PLBD1: variants seen among roughly 807,000 people sequenced by gnomAD.
PLBD1 encodes phospholipase B domain containing 1.
PLBD1 carries 60 observed loss-of-function variants against 63.0 expected under a neutral mutation model. That is an observed-to-expected ratio of 0.95 (90% CI 0.77 to 1.18). The LOEUF (loss-of-function observed/expected upper bound fraction) is 1.18. PLBD1 is among the 50% of genes most tolerant of loss of function. PLBD1 has a pLI of 0.00. For synonymous variants in PLBD1, 262 were observed against 248.0 expected (o/e 1.06, Z -0.53); for missense variants, 598 against 677.9 (o/e 0.88, Z 1.31).
At chr12:14,564,721 T>G (rs1244244706) in intron 1 of PLBD1, among the ~76,000 whole-genome samples, 1 of 152,230 alleles carries the variant, frequency 6.6e-6, no homozygotes, top group Non-Finnish European at 1.5e-5. Context: ...AGACTGAATT[T>G]CTGGAGTCTA....
chr12:14,566,542 T>G (rs571899482), intron 1 of PLBD1, among the ~76,000 whole-genome samples: 1 of 152,300 alleles, frequency 6.6e-6, no homozygotes, highest in South Asian at 2.1e-4. Flanking sequence ...CTTCACCTCC[T>G]TAGGAACGGA....
intron 6 of PLBD1, among the ~76,000 whole-genome samples, chr12:14,528,674 G>T (rs1714495514): frequency 6.6e-6 from 1 of 151,226 alleles, no homozygotes; most frequent in Non-Finnish European, 1.5e-5. Context: ...TAAGAAGCTA[G>T]AAAAAATTAC....
intron 6 of PLBD1, among the ~76,000 whole-genome samples, chr12:14,514,742 A>AT (rs3083807): frequency 0.027 from 3,920 of 147,210 alleles, 154 homozygotes; most frequent in African/African-American, 0.087. Context: ...ATCTTTTTAA[A>AT]TTTTTTTTTT....
At position 14,567,620 on chromosome 12, in the gene PLBD1, GGCAGCA is replaced by G. The variant is rs71669631; in HGVS notation, c.71_76del (p.Leu24_Leu25del). On this transcript the variant is annotated inframe_deletion, in exon 1 of 11. Transcript: ENST00000240617. Reference sequence around the variant, plus strand: ...CGGCTCCGCGGTGACTAACAACAGCGGCAGCAGCAGCAGCAGCAGCAGAAGCGGTGG... The same window carrying G: ...CGGCTCCGCGGTGACTAACAACAGCGGCAGCAGCAGCAGCAGAAGCGGTGG... The G allele has an allele frequency of 1.7e-4, 253 of 1,460,136 alleles. No individual in the cohort carries two copies. The highest frequency in any genetic ancestry group is 9.6e-4 in the Admixed American group (42 of 43,762). The allele number at this position is 1,460,136 out of a possible 1,614,324, so 90.4% of individuals were successfully genotyped here.
Position 14,542,228 on chromosome 12 carries a change from A to T in PLBD1, c.399T>A (p.Asp133Glu). 6.2e-7 allele frequency: 1 copy of T among 1,608,390 alleles called. No homozygotes were observed. Among genetic ancestry groups the T allele is most frequent in the Non-Finnish European group, 8.5e-7 (1 of 1,174,808 alleles). The change falls in exon 3 of 11, where the codon GAT becomes GAA. Residue 133 changes from aspartate (D) to glutamate (E), a missense_variant. By Grantham distance (45) the Asp-to-Glu change is conservative (BLOSUM62 2). Transcript: ENST00000240617. ...CGTACTCCATAAAATCCTGCACTTT[A>T]TCCATGATGGAAGGTTTCGTGATCA... The part of the protein sequence containing the change: ...PQLITKPSIM[D>E]KVQDFMEKQD...
Position 14,525,725 on chromosome 12 carries a change from A to ACGCACACACACTT in PLBD1, c.844+9933_844+9934insAAGTGTGTGTGCG, listed in dbSNP as rs57220320. Reference sequence around the variant, plus strand: ...CACACACACACACACGCACACACACACTTGTTTTAATTTTTTAAAAGACAG... The same window carrying ACGCACACACACTT: ...CACACACACACACACGCACACACACACGCACACACACTTCTTGTTTTAATTTTTTAAAAGACAG... On this transcript the variant is annotated intron_variant, in intron 6 of 10. Coordinates refer to ENST00000240617, the MANE Select transcript of PLBD1 (RefSeq NM_024829.6). 4.1e-3 allele frequency among the ~76,000 whole-genome samples: 621 copies of ACGCACACACACTT among 151,826 alleles called. 2 individuals are homozygous for ACGCACACACACTT. The highest frequency in any genetic ancestry group is 0.015 in the African/African-American group (597 of 41,172).
At chr12:14,561,338 C>T (rs1020847086) in intron 1 of PLBD1, among the ~76,000 whole-genome samples, 5 of 152,002 alleles carry the variant, frequency 3.3e-5, no homozygotes, top group African/African-American at 1.2e-4. Flanking sequence ...TTGCCAAAAG[C>T]CCTATCAGCT....
chr12:14,536,790 T>A, intron 4 of PLBD1, 80 bp from the exon 5 acceptor site: 1 of 1,546,584 alleles, frequency 6.5e-7, no homozygotes, highest in Non-Finnish European at 8.8e-7. Flanking sequence ...AGGGACCCAT[T>A]AAATTATTCC....
intron 4 of PLBD1, among the ~76,000 whole-genome samples, chr12:14,537,058 C>G (rs1385443323): frequency 7.1e-6 from 1 of 141,836 alleles, no homozygotes; most frequent in East Asian, 2.0e-4. Context: ...CACAGCACTC[C>G]AGCCTGGGCA....
chr12:14,540,378 T>C (rs1392150199), intron 4 of PLBD1, among the ~76,000 whole-genome samples: 1 of 151,898 alleles, frequency 6.6e-6, no homozygotes. Flanking sequence ...TGTGGATATG[T>C]GTTTATGTGA....
intron 6 of PLBD1, among the ~76,000 whole-genome samples, chr12:14,522,992 G>A (rs1382575761): frequency 1.3e-5 from 2 of 151,916 alleles, no homozygotes; most frequent in Admixed American, 6.6e-5. Flanking sequence ...ACATAATACT[G>A]GAGGTTCTAG....
chr12:14,505,708 C>T (rs1445116519), intron 10 of PLBD1, among the ~76,000 whole-genome samples: 1 of 152,214 alleles, frequency 6.6e-6, no homozygotes, highest in East Asian at 1.9e-4. Context: ...CAAACTTGCT[C>T]CTTCAGCTAA....
chr12:14,518,042 G>A (rs928291785), intron 6 of PLBD1, among the ~76,000 whole-genome samples: 6 of 152,060 alleles, frequency 3.9e-5, no homozygotes, highest in Non-Finnish European at 8.8e-5. Context: ...TTAGCCGGGC[G>A]TGGTCACACA....
intron 6 of PLBD1, chr12:14,530,163 G>C (rs1945448199): frequency 6.6e-6 from 1 of 152,246 alleles, no homozygotes; most frequent in African/African-American, 2.4e-5. Flanking sequence ...GTCTTGCCAT[G>C]AAGGACATTC....
intron 2 of PLBD1, among the ~76,000 whole-genome samples, chr12:14,551,415 T>C (rs1945658481): frequency 6.6e-6 from 1 of 152,210 alleles, no homozygotes; most frequent in African/African-American, 2.4e-5. Flanking sequence ...AAAGTTATTA[T>C]TAGAATGGCT....
At chr12:14,536,192 G>A (rs184179089) in intron 5 of PLBD1, 160 of 229,286 alleles carry the variant, frequency 7.0e-4, no homozygotes, top group African/African-American at 3.4e-3. Context: ...CCAGCTACTC[G>A]GGAAGCTGAG....
intron 2 of PLBD1, among the ~76,000 whole-genome samples, chr12:14,543,576 T>G (rs1945592610): frequency 6.6e-6 from 1 of 151,870 alleles, no homozygotes; most frequent in African/African-American, 2.4e-5. Context: ...CACAAAAAAA[T>G]TAGCTGGCCC....
intron 6 of PLBD1, among the ~76,000 whole-genome samples, chr12:14,534,379 G>T (rs1182228718): frequency 6.6e-6 from 1 of 152,102 alleles, no homozygotes; most frequent in African/African-American, 2.4e-5. Flanking sequence ...CACATGCTTT[G>T]TTGGATTCAC....
intron 10 of PLBD1, 93 bp downstream of exon 10, chr12:14,506,069 C>T: frequency 1.3e-6 from 1 of 759,662 alleles, no homozygotes; most frequent in East Asian, 2.8e-5. Flanking sequence ...TGGTTAGCGA[C>T]ATCGCTTCCT....
Sources: gnomAD v4.1 joint callset for allele counts (sites outside exome capture counted in the v4.1 genomes callset) on GRCh38, gnomAD v4.1.1 for gene constraint, MANE v1.5 for transcripts, NCBI Gene and HGNC (gene_info 2026-07-23, HGNC 2026-07-21) for gene names.